The following PTPRJ variants were observed in gnomAD, a reference collection of about 807,000 sequenced individuals.
PTPRJ encodes the protein receptor-type tyrosine-protein phosphatase eta.
A neutral mutation model predicts 141.3 loss-of-function variants in PTPRJ; 129 were observed. The ratio of observed to expected loss-of-function variants is 0.91; its 90% confidence interval spans 0.79 to 1.06. PTPRJ has a LOEUF of 1.06. PTPRJ is among the 50% of genes least tolerant of loss of function. The pLI, the probability that PTPRJ is intolerant of heterozygous loss-of-function variation, is 0.00. For missense variants in PTPRJ, 1,601 were observed against 1,679.7 expected (o/e 0.95, Z 0.82); for synonymous variants, 610 against 640.5 (o/e 0.95, Z 0.72).
intron 8 of PTPRJ, chr11:48,132,070 C>T: frequency 1.1e-6 from 1 of 882,060 alleles, no homozygotes; most frequent in Non-Finnish European, 1.4e-6. Flanking sequence ...GCCTTAATAA[C>T]TTTTAAGATG....
intron 24 of PTPRJ, 68 bp from the exon 25 acceptor site, chr11:48,167,136 A>G (rs1857934048): frequency 3.4e-6 from 5 of 1,480,408 alleles, no homozygotes; most frequent in Non-Finnish European, 4.7e-6. Context: ...CTGTTTGAAA[A>G]TAATTTTGGG....
chr11:48,108,801 G>C (rs912306806), intron 1 of PTPRJ, among the ~76,000 whole-genome samples: 5 of 152,180 alleles, frequency 3.3e-5, no homozygotes, highest in African/African-American at 1.2e-4. Context: ...TTGATGGTAG[G>C]GTGGAAGGTG....
chr11:48,122,793 G>A (rs11039528), intron 4 of PTPRJ, among the ~76,000 whole-genome samples: 32,007 of 152,144 alleles, frequency 0.21, 3,901 homozygotes, highest in African/African-American at 0.32. Context: ...GGAGCTGGAC[G>A]GTGCCTTAGA....
At chr11:48,144,206 A>G (rs1857299195) in intron 12 of PTPRJ, among the ~76,000 whole-genome samples, 1 of 152,082 alleles carries the variant, frequency 6.6e-6, no homozygotes, top group Non-Finnish European at 1.5e-5. Flanking sequence ...TGAGGTTGAA[A>G]TCTCTATCTT....
chr11:48,020,677 C>G (rs1565261148), intron 1 of PTPRJ, among the ~76,000 whole-genome samples: 3 of 152,176 alleles, frequency 2.0e-5, no homozygotes, highest in Non-Finnish European at 4.4e-5. Context: ...AGCGAAGCTG[C>G]CTGTCGATTC....
In PTPRJ at chr11:48,139,539, C is replaced by A; in HGVS notation, c.2206C>A (p.Leu736Met). The A allele has an allele frequency of 6.2e-7, 1 of 1,614,242 alleles. No individual in the cohort carries two copies. Among genetic ancestry groups the A allele is most frequent in the Non-Finnish European group, 8.5e-7 (1 of 1,180,046 alleles). ...DCEVVPKEPA[L>M]VLKWTCPPGA... ...CGAAGTGGTCCCCAAAGAGCCAGCC[C>A]TGGTTCTCAAATGGACCTGCCCTCC... The change falls in exon 11 of 25, where the codon CTG becomes ATG. Residue 736 changes from leucine to methionine, a missense_variant. By Grantham distance (15) the Leu-to-Met change is conservative. Transcript: ENST00000418331.
At position 48,150,144 on chromosome 11, in the gene PTPRJ, G is replaced by C. The variant is rs202021620; in HGVS notation, c.3099G>C (p.Gln1033His). ...ATTTTGAGGCCTACTTCAAGAAGCA[G>C]CAAGCTGACTCCAACTGTGGGTTCG... is the stretch of plus-strand genomic sequence containing the variant. ...VENFEAYFKK[Q>H]QADSNCGFAE... Residue 1033 changes from glutamine (Q) to histidine (H), a missense_variant, in exon 18 of 25, where the codon CAG (glutamine) becomes CAC (histidine). Transcript: ENST00000418331. 2.9e-5 allele frequency: 47 copies of C among 1,613,982 alleles called. 1 individual carries two copies. Among genetic ancestry groups the C allele is most frequent in the Admixed American group, 1.7e-5 (1 of 59,986 alleles).
Position 47,980,566 on chromosome 11 carries a change from G to A in PTPRJ, c.-347G>A. 1 of 982,968 alleles carries A rather than the reference G, an allele frequency of 1.0e-6. No homozygotes were observed. The highest frequency in any genetic ancestry group is 1.2e-6 in the Non-Finnish European group (1 of 828,948). The allele number at this position is 982,968 out of a possible 1,614,324, so 60.9% of individuals were successfully genotyped here. ...GCCGCGGCTCCCTGCAGCAGCCCCA[G>A]CCGCATGACGCGCGGAGGAGGCAGC... On this transcript the variant is annotated 5_prime_UTR_variant, in exon 1 of 25. Coordinates refer to ENST00000418331, the MANE Select transcript of PTPRJ (RefSeq NM_002843.4).
At chr11:48,108,081 C>G (rs1407781136) in intron 1 of PTPRJ, among the ~76,000 whole-genome samples, 1 of 152,094 alleles carries the variant, frequency 6.6e-6, no homozygotes, top group South Asian at 2.1e-4. Context: ...GACCTTGTCT[C>G]TTAAGAAAAA....
intron 1 of PTPRJ, among the ~76,000 whole-genome samples, chr11:48,084,647 A>G (rs1390959127): frequency 1.3e-5 from 2 of 152,234 alleles, no homozygotes; most frequent in Admixed American, 6.5e-5. Context: ...TGGCTGAAGC[A>G]GACGAGCTCT....
At chr11:47,993,761 T>G (rs1229415330) in intron 1 of PTPRJ, among the ~76,000 whole-genome samples, 1 of 152,120 alleles carries the variant, frequency 6.6e-6, no homozygotes, top group Non-Finnish European at 1.5e-5. Flanking sequence ...ATGAACCTTC[T>G]GGAGATTGTT....
chr11:48,142,682 T>G (rs1208397836), intron 11 of PTPRJ, among the ~76,000 whole-genome samples: 3 of 152,334 alleles, frequency 2.0e-5, no homozygotes, highest in East Asian at 1.9e-4. Flanking sequence ...CCTGGGGATT[T>G]GGCTGGATGC....
Position 48,121,158 on chromosome 11 carries a change from T to C in PTPRJ, c.508T>C (p.Trp170Arg), listed in dbSNP as rs369765709. The C allele has an allele frequency of 1.7e-5, 27 of 1,614,150 alleles. No homozygotes were observed. The African/African-American group carries it at 3.2e-4, about 19-fold the overall frequency. Residue 170 changes from tryptophan to arginine, a missense_variant, in exon 4 of 25, where the codon TGG (tryptophan) becomes CGG (arginine). Transcript: ENST00000418331. The stretch of plus-strand genomic sequence containing the variant: ...GACAATTACTGTTGTGCATCAACCA[T>C]GGTGTAACATCACAGGCTTACGTCC... ...EKTITVVHQP[W>R]CNITGLRPAT...
chr11:48,130,652 T>C lies in PTPRJ; in HGVS notation c.1551T>C (p.Phe517=), dbSNP rs1856955162. Residue 517 remains phenylalanine, a synonymous_variant, in exon 8 of 25, where the codon TTT becomes TTC. Transcript: ENST00000418331. ...TGTTCCCTGGAACCAAGTATTGCTT[T>C]GAAATAGTTCCAAAAGGACCAAATG... is the stretch of plus-strand genomic sequence containing the variant. ...GGLFPGTKYC[F]EIVPKGPNGT... The C allele has an allele frequency of 6.2e-7, 1 of 1,614,052 alleles. No individual in the cohort carries two copies. The highest frequency in any genetic ancestry group is 8.5e-7 in the Non-Finnish European group (1 of 1,179,950).
At chr11:48,105,771 T>C (rs1856273602) in intron 1 of PTPRJ, among the ~76,000 whole-genome samples, 1 of 152,156 alleles carries the variant, frequency 6.6e-6, no homozygotes, top group African/African-American at 2.4e-5. Context: ...CCCGCCTGTC[T>C]CTACCCTGCT....
At chr11:48,065,238 TC>T (rs1855054231) in intron 1 of PTPRJ, among the ~76,000 whole-genome samples, 1 of 152,196 alleles carries the variant, frequency 6.6e-6, no homozygotes, top group African/African-American at 2.4e-5. Context: ...GGTCTCGAAC[TC>T]CCGACCTCAG....
intron 21 of PTPRJ, 60 bp downstream of exon 21, chr11:48,156,179 A>G (rs1283503442): frequency 7.1e-7 from 1 of 1,404,190 alleles, no homozygotes; most frequent in Non-Finnish European, 9.8e-7. Flanking sequence ...TTATTGTGGC[A>G]GAAGGGTATC....
At chr11:48,133,452 A>G (rs990244408) in intron 8 of PTPRJ, among the ~76,000 whole-genome samples, 1 of 152,232 alleles carries the variant, frequency 6.6e-6, no homozygotes, top group Non-Finnish European at 1.5e-5. Flanking sequence ...AATGAAAGTC[A>G]AGAAGGCTTG....
rs542898958 is a variant in PTPRJ, at chr11:48,167,448, T to A, written c.*86T>A. 1.2e-5 allele frequency: 17 copies of A among 1,399,072 alleles called. No homozygotes were observed. The highest frequency in any genetic ancestry group is 1.7e-5 in the Non-Finnish European group (17 of 1,017,878). The allele number at this position is 1,399,072 out of a possible 1,614,324, so 86.7% of individuals were successfully genotyped here. On this transcript the variant is annotated 3_prime_UTR_variant, in exon 25 of 25. Transcript: ENST00000418331. ...GCCCCGATGTCGACATGTTTTTATA[T>A]GTCTAATATCTTAATTCTTTGTTCT...
Sources: gnomAD v4.1 joint callset for allele counts (sites outside exome capture counted in the v4.1 genomes callset) on GRCh38, gnomAD v4.1.1 for gene constraint, MANE v1.5 for transcripts, NCBI Gene and HGNC (gene_info 2026-07-23, HGNC 2026-07-21) for gene names.